Variants in LRRC74B observed in about 807,000 individuals in gnomAD.
LRRC74B encodes leucine rich repeat containing 74B, also known as leucine-rich repeat-containing protein 74B.
Under a neutral mutation model 16.6 loss-of-function variants are expected in LRRC74B, and 30 were observed. The ratio of observed to expected loss-of-function variants is 1.80; its 90% confidence interval spans 1.35 to 2.45. LRRC74B has a LOEUF of 2.45. Among genes scored for constraint, LRRC74B ranks in the 30% most tolerant of loss-of-function variants. LRRC74B has a pLI of 0.00. For missense variants in LRRC74B, 326 were observed against 202.4 expected (o/e 1.61, Z -3.71); for synonymous variants, 134 against 86.0 (o/e 1.56, Z -3.09).
chr22:21,045,962 C>A, upstream of LRRC74B: 3 of 716,856 alleles, frequency 4.2e-6, no homozygotes. Flanking sequence ...GACTCAGTGT[C>A]TGAGACTGCG....
chr22:21,049,045 G>C (rs1433087058), exon 4 of LRRC74B: 1 of 715,956 alleles, frequency 1.4e-6, no homozygotes, highest in Non-Finnish European at 2.6e-6. Context: ...AGATGCAGCT[G>C]TCAGGGAATG....
intron 6 of LRRC74B, 137 bp downstream of exon 6, chr22:21,053,612 A>G (rs1930247638): frequency 3.4e-6 from 2 of 590,578 alleles, no homozygotes; most frequent in Non-Finnish European, 3.0e-6. Flanking sequence ...CATCCTTATC[A>G]CTGGAGTTTA....
At chr22:21,054,811 A>C (rs1401366771) in intron 6 of LRRC74B, among the ~76,000 whole-genome samples, 1 of 152,218 alleles carries the variant, frequency 6.6e-6, no homozygotes, top group East Asian at 1.9e-4. Flanking sequence ...ATGAGGTGTC[A>C]GCTGGGGCAG....
chr22:21,058,780 C>T (rs145937736), intron 8 of LRRC74B, among the ~76,000 whole-genome samples: 2,730 of 152,266 alleles, frequency 0.018, 72 homozygotes, highest in African/African-American at 0.062. Context: ...TGTCATATGG[C>T]ATTATCCTGC....
At chr22:21,058,949 C>T (rs567114826) in intron 8 of LRRC74B, among the ~76,000 whole-genome samples, 6 of 152,282 alleles carry the variant, frequency 3.9e-5, no homozygotes, top group East Asian at 3.9e-4. Context: ...GAATCATAAA[C>T]GATCAATCAA....
At chr22:21,059,010 C>T (rs1176679743) in intron 8 of LRRC74B, among the ~76,000 whole-genome samples, 13 of 152,180 alleles carry the variant, frequency 8.5e-5, no homozygotes, top group Non-Finnish European at 1.3e-4. Context: ...CCCAGGACCT[C>T]GGGAGGCCAA....
exon 1 of LRRC74B, chr22:21,046,091 C>T: frequency 1.4e-6 from 1 of 717,362 alleles, no homozygotes; most frequent in South Asian, 1.5e-5. Context: ...AGCAGGGTCC[C>T]GAGGCCAATT....
chr22:21,049,637 A>G (rs1171333237), intron 4 of LRRC74B, among the ~76,000 whole-genome samples: 1 of 151,550 alleles, frequency 6.6e-6, no homozygotes, highest in East Asian at 2.0e-4. Context: ...GCAGAGGAAT[A>G]GTGAGCATGC....
At chr22:21,048,069 G>T in intron 3 of LRRC74B, 53 bp downstream of exon 3, 1 of 714,118 alleles carries the variant, frequency 1.4e-6, no homozygotes. Flanking sequence ...TTTCCTCAGG[G>T]ATGTGCCTCC....
At chr22:21,062,471 T>A (rs1482604573), downstream of LRRC74B, 1 of 152,056 alleles carries the variant, frequency 6.6e-6, no homozygotes, top group Non-Finnish European at 1.5e-5. Flanking sequence ...TCCCAGCACT[T>A]TGGGAGGCCG....
chr22:21,060,687 C>G, downstream of LRRC74B: 1 of 562,858 alleles, frequency 1.8e-6, no homozygotes, highest in South Asian at 2.5e-5. Flanking sequence ...GTACCCTCCT[C>G]TGTGCCCCAC....
chr22:21,061,398 T>C (rs763639995), downstream of LRRC74B, among the ~76,000 whole-genome samples: 4 of 151,976 alleles, frequency 2.6e-5, no homozygotes, highest in Admixed American at 6.6e-5. Flanking sequence ...GATTGGCCAA[T>C]TAAAATTTGG....
chr22:21,055,094 G>C lies in LRRC74B; in HGVS notation c.849-4G>C. ...AATGCATGTGCCTGTTGTTTTTGTT[G>C]CAGTAACAACCGCATCTCTGCGATG... On this transcript the variant is annotated splice_region_variant and splice_polypyrimidine_tract_variant and intron_variant, in intron 6 of 8. Coordinates refer to ENST00000442047, the Ensembl canonical transcript of LRRC74B. 3 of 716,974 alleles carry C rather than the reference G, an allele frequency of 4.2e-6. No homozygotes were observed. Among genetic ancestry groups the C allele is most frequent in the Non-Finnish European group, 7.8e-6 (3 of 385,040 alleles). The allele number at this position is 716,974 out of a possible 1,614,324, so 44.4% of individuals were successfully genotyped here.
chr22:21,056,986 G>T (rs566138342), intron 7 of LRRC74B, 119 bp from the exon 8 acceptor site: 6 of 630,086 alleles, frequency 9.5e-6, no homozygotes, highest in South Asian at 3.8e-5. Flanking sequence ...CTTCTGAGCC[G>T]AAACAGTGTG....
At chr22:21,054,955 G>A in intron 6 of LRRC74B, 143 bp from the exon 7 acceptor site, 2 of 633,056 alleles carry the variant, frequency 3.2e-6, no homozygotes, top group Non-Finnish European at 5.8e-6. Flanking sequence ...GATCTGTCCA[G>A]GGTTCCTGGG....
In LRRC74B at chr22:21,048,933, A is replaced by T. The variant is rs1441003898; in HGVS notation, c.416-18A>T. 2 of 714,950 alleles carry T rather than the reference A, an allele frequency of 2.8e-6. No individual in the cohort carries two copies. Among genetic ancestry groups the T allele is most frequent in the Admixed American group, 4.0e-5 (2 of 49,970 alleles). The allele number at this position is 714,950 out of a possible 1,614,324, so 44.3% of individuals were successfully genotyped here. On this transcript the variant is annotated intron_variant, in intron 3 of 8. Coordinates refer to ENST00000442047, the Ensembl canonical transcript of LRRC74B. The stretch of plus-strand genomic sequence containing the variant: ...TGGCTTTGCATCCCACTGGCCGAGG[A>T]GTGGTTCTGTCCCCCAGATGTGGAC...
intron 4 of LRRC74B, among the ~76,000 whole-genome samples, chr22:21,050,619 A>T (rs377002766): frequency 4.6e-5 from 7 of 151,476 alleles, no homozygotes; most frequent in Admixed American, 2.0e-4. Context: ...TCTACTAAAA[A>T]TACAAAAAAT....
In LRRC74B at chr22:21,057,093, C is replaced by CGT. The variant is rs1467471367; in HGVS notation, c.928-9_928-8dup. 8.4e-6 allele frequency: 6 copies of CGT among 717,156 alleles called. No homozygotes were observed. The highest frequency in any genetic ancestry group is 1.6e-5 in the Non-Finnish European group (6 of 385,036). 44.4% of individuals were successfully genotyped at this position (717,156 alleles called of 1,614,324 possible). A position where few individuals can be genotyped will look rare whatever the true frequency, so the allele number is the denominator to read the frequency against. The stretch of plus-strand genomic sequence containing the variant: ...ACCTGGCTTCTCGCAGCTTTGTGTG[C>CGT]GTGTTTCTCAGGTGTCCAGGAATCC... On this transcript the variant is annotated splice_polypyrimidine_tract_variant and intron_variant, in intron 7 of 8. Transcript: ENST00000442047.
chr22:21,061,077 C>A (rs895435213), downstream of LRRC74B, among the ~76,000 whole-genome samples: 2 of 152,138 alleles, frequency 1.3e-5, no homozygotes, highest in African/African-American at 4.8e-5. Flanking sequence ...CTTGTAATCC[C>A]AGCCCTTTTG....
Sources: gnomAD v4.1 joint callset for allele counts (sites outside exome capture counted in the v4.1 genomes callset) on GRCh38, gnomAD v4.1.1 for gene constraint, MANE v1.5 for transcripts, NCBI Gene and HGNC (gene_info 2026-07-23, HGNC 2026-07-21) for gene names.